The following LARGE1 variants were observed in gnomAD, a reference collection of about 807,000 sequenced individuals.
LARGE1 encodes the protein xylosyl- and glucuronyltransferase LARGE1.
LARGE1 carries 43 observed loss-of-function variants against 87.6 expected under a neutral mutation model. The ratio of observed to expected loss-of-function variants is 0.49; its 90% confidence interval spans 0.38 to 0.63. LARGE1 has a LOEUF of 0.63. Among genes scored for constraint, LARGE1 ranks in the 30% least tolerant of loss-of-function variants. The pLI, the probability that LARGE1 is intolerant of heterozygous loss-of-function variation, is 0.00. For missense variants in LARGE1, 802 were observed against 1,000.2 expected (o/e 0.80, Z 2.67); for synonymous variants, 434 against 394.6 (o/e 1.10, Z -1.18).
At chr22:33,610,260 A>T (rs575484961) in intron 4 of LARGE1, among the ~76,000 whole-genome samples, 1 of 152,340 alleles carries the variant, frequency 6.6e-6, no homozygotes, top group Admixed American at 6.5e-5. Context: ...AAGATGGGAA[A>T]GTCTGGAACT....
intron 12 of LARGE1, among the ~76,000 whole-genome samples, chr22:33,290,422 C>T (rs1932329183): frequency 6.6e-6 from 1 of 152,132 alleles, no homozygotes; most frequent in Non-Finnish European, 1.5e-5. Flanking sequence ...CTGCAATTTC[C>T]GTATCTGTAA....
intron 2 of LARGE1, among the ~76,000 whole-genome samples, chr22:33,703,355 GAAAA>G (rs780406393): frequency 2.3e-5 from 2 of 86,650 alleles, no homozygotes; most frequent in African/African-American, 4.0e-5. Flanking sequence ...AGCCTAAAGT[GAAAA>G]AAAAAAAAAA....
At chr22:33,567,770 C>T (rs2078071368) in intron 5 of LARGE1, among the ~76,000 whole-genome samples, 1 of 152,154 alleles carries the variant, frequency 6.6e-6, no homozygotes, top group African/African-American at 2.4e-5. Flanking sequence ...CTCACCCTCC[C>T]CTCTTTTGGA....
At chr22:33,828,394 ATGAAGTG>A (rs2062861057) in intron 1 of LARGE1, among the ~76,000 whole-genome samples, 1 of 150,924 alleles carries the variant, frequency 6.6e-6, no homozygotes, top group African/African-American at 2.4e-5. Flanking sequence ...GGTCAATGGC[ATGAAGTG>A]CCACTGCAGA....
chr22:33,135,580 C>T, the LARGE1 span, among the ~76,000 whole-genome samples: 1 of 152,170 alleles, frequency 6.6e-6, no homozygotes, highest in East Asian at 1.9e-4. Flanking sequence ...TGGCTCATGC[C>T]TGTAATCCCA....
At chr22:33,094,917 C>G in the LARGE1 span, among the ~76,000 whole-genome samples, 1 of 152,178 alleles carries the variant, frequency 6.6e-6, no homozygotes, top group Non-Finnish European at 1.5e-5. Context: ...TAGGGTTTCT[C>G]CATGTTGGTC....
At position 33,275,832 on chromosome 22, in the gene LARGE1, C is replaced by T. The variant is rs532209305; in HGVS notation, c.2074-1208G>A. On this transcript the variant is annotated intron_variant, in intron 14 of 14. Transcript: ENST00000397394. ...TTCTTTGAACTAGTTCATCTCACAG[C>T]ACTGCTGGACACATGAACATGACAT... Among the ~76,000 whole-genome samples the T allele has an allele frequency of 2.8e-4, 43 of 152,372 alleles. 2 individuals carry two copies. The South Asian group carries it at 8.1e-3, about 29-fold the overall frequency.
Position 33,223,787 on chromosome 22 carries a change from G to T in LARGE1, c.1731-56955C>A, listed in dbSNP as rs73885011. On this transcript the variant is annotated intron_variant, in intron 11 of 11. Coordinates refer to the LARGE1 transcript ENST00000608642. ...TCAAGTTCTGCCTGGACCAGCCTTT[G>T]ACATTATCTTACTTTAGGTCTGGTA... Among the ~76,000 whole-genome samples the T allele has an allele frequency of 7.4e-3, 1,132 of 152,246 alleles. 3 individuals carry two copies. The highest frequency in any genetic ancestry group is 0.027 in the Middle Eastern group (8 of 294).
chr22:33,561,910 T>G (rs2077874964), intron 6 of LARGE1, among the ~76,000 whole-genome samples: 1 of 152,104 alleles, frequency 6.6e-6, no homozygotes, highest in African/African-American at 2.4e-5. Flanking sequence ...GGTAATGAAT[T>G]TAGGAACAAG....
At chr22:33,206,576 A>G (rs1924697010) in intron 11 of LARGE1, among the ~76,000 whole-genome samples, 1 of 152,156 alleles carries the variant, frequency 6.6e-6, no homozygotes, top group Non-Finnish European at 1.5e-5. Flanking sequence ...AGAACAAATG[A>G]CCAGCCACCC....
intron 6 of LARGE1, among the ~76,000 whole-genome samples, chr22:33,532,221 C>T (rs1272163098): frequency 2.0e-5 from 3 of 152,222 alleles, no homozygotes; most frequent in Non-Finnish European, 4.4e-5. Flanking sequence ...AAATCTTGGG[C>T]TTCAGAATTT....
chr22:33,556,569 A>AGGGAGGGAGGGAAGGAGGAAGGGAGGGG (rs2077693717), intron 6 of LARGE1, among the ~76,000 whole-genome samples: 1 of 48,672 alleles, frequency 2.1e-5, no homozygotes, highest in African/African-American at 7.7e-5. Flanking sequence ...GGAGGGAGGC[A>AGGGAGGGAGGGAAGGAGGAAGGGAGGGG]GGCAGGCAGG....
chr22:33,196,438 A>C (rs913605809), intron 11 of LARGE1, among the ~76,000 whole-genome samples: 2 of 152,158 alleles, frequency 1.3e-5, no homozygotes, highest in African/African-American at 2.4e-5. Context: ...AATTAGCTAA[A>C]ACAATGCAAG....
chr22:33,343,888 G>A (rs796861271), intron 9 of LARGE1, among the ~76,000 whole-genome samples: 18 of 152,244 alleles, frequency 1.2e-4, no homozygotes, highest in African/African-American at 4.3e-4. Flanking sequence ...TAACTTACAC[G>A]ATCACAAGGT....
chr22:33,803,913 G>T (rs542184358), intron 1 of LARGE1, among the ~76,000 whole-genome samples: 1 of 152,164 alleles, frequency 6.6e-6, no homozygotes, highest in Non-Finnish European at 1.5e-5. Context: ...CAGTCTTATC[G>T]GGTCTGAGAA....
At position 33,673,881 on chromosome 22, in the gene LARGE1, G is replaced by A. The variant is rs1293627215; in HGVS notation, c.107-23213C>T. Among the ~76,000 whole-genome samples the A allele has an allele frequency of 8.0e-5, 6 of 74,604 alleles. 1 individual carries two copies. The highest frequency in any genetic ancestry group is 1.4e-4 in the Non-Finnish European group (5 of 35,908). The allele number at this position is 74,604 out of a possible 152,430, so 48.9% of individuals were successfully genotyped here. On this transcript the variant is annotated intron_variant, in intron 2 of 14. Coordinates refer to ENST00000397394, the MANE Select transcript of LARGE1 (RefSeq NM_133642.5). ...TTGTGGGTGTATTTTTAGTAGATAC[G>A]GGGTTTCGCCATGTTGGCCAGGCTG...
At chr22:33,187,415 T>G (rs1371724019) in intron 11 of LARGE1, among the ~76,000 whole-genome samples, 1 of 152,180 alleles carries the variant, frequency 6.6e-6, no homozygotes, top group Non-Finnish European at 1.5e-5. Flanking sequence ...ATGATCTCAC[T>G]TATATGTGGA....
intron 3 of LARGE1, among the ~76,000 whole-genome samples, chr22:33,640,059 G>A (rs909406439): frequency 1.3e-5 from 2 of 152,244 alleles, no homozygotes; most frequent in Non-Finnish European, 2.9e-5. Flanking sequence ...GATGGTGGCA[G>A]CATCTCTGGT....
rs555503389 is a variant in LARGE1 at position 33,272,554 on chromosome 22, T to G, written c.*1873A>C. Among the ~76,000 whole-genome samples the G allele has an allele frequency of 2.4e-4, 36 of 152,312 alleles. No individual in the cohort carries two copies. The highest frequency in any genetic ancestry group is 7.5e-4 in the African/African-American group (31 of 41,560). On this transcript the variant is annotated 3_prime_UTR_variant, in exon 15 of 15. Transcript: ENST00000397394. The stretch of plus-strand genomic sequence containing the variant: ...TTTATACATATATGTCACTTTTTAT[T>G]TATAAATGCTTTGTATATAGGCTAT...
Sources: allele counts gnomAD v4.1 joint callset (sites outside exome capture counted in the v4.1 genomes callset), GRCh38; gene constraint gnomAD v4.1.1; transcripts MANE v1.5; gene names NCBI Gene and HGNC (gene_info 2026-07-23, HGNC 2026-07-21).